Variants in KALRN observed in about 807,000 individuals in gnomAD.
The protein encoded by KALRN is kalirin RhoGEF kinase, also known as kalirin.
A neutral mutation model predicts 353.7 loss-of-function variants in KALRN; 70 were observed. That is an observed-to-expected ratio of 0.20 (90% CI 0.16 to 0.24). The LOEUF (loss-of-function observed/expected upper bound fraction) is 0.24, where lower values mean the gene tolerates loss of function less well. KALRN is among the 10% of genes least tolerant of loss of function. The pLI is 1.00. For missense variants in KALRN, 2,791 were observed against 3,756.7 expected, an observed-to-expected ratio of 0.74 and a Z score of 6.72; for synonymous variants, 1,391 against 1,434.8, an observed-to-expected ratio of 0.97 and a Z score of 0.69.
chr3:124,570,369 G>A (rs2073373781), intron 34 of KALRN, among the ~76,000 whole-genome samples: 1 of 152,170 alleles, frequency 6.6e-6, no homozygotes, highest in Non-Finnish European at 1.5e-5. Context: ...GTATAGGATT[G>A]TACTGGTAAT....
At chr3:124,367,068 C>T (rs1576330319) in intron 10 of KALRN, among the ~76,000 whole-genome samples, 1 of 133,074 alleles carries the variant, frequency 7.5e-6, no homozygotes, top group African/African-American at 2.9e-5. Flanking sequence ...GGGCTGACCC[C>T]CCCACCTCCC....
chr3:124,664,379 G>GCA (rs1559801241), intron 45 of KALRN, among the ~76,000 whole-genome samples: 5 of 150,484 alleles, frequency 3.3e-5, no homozygotes, highest in Non-Finnish European at 7.4e-5. Flanking sequence ...GTGCGCGCGC[G>GCA]CGCATATAAG....
intron 3 of KALRN, among the ~76,000 whole-genome samples, chr3:124,239,906 G>C (rs2080235414): frequency 6.6e-6 from 1 of 152,220 alleles, no homozygotes. Context: ...AGGAAGGGGA[G>C]GGATCAGGTG....
At chr3:124,224,229 A>AT (rs201306974) in intron 1 of KALRN, among the ~76,000 whole-genome samples, 7,459 of 138,502 alleles carry the variant, frequency 0.054, 755 homozygotes, top group East Asian at 0.46. Context: ...GCCTTCCAGG[A>AT]TTTTTTTTTT....
chr3:124,219,060 T>A (rs2077619772), intron 1 of KALRN, among the ~76,000 whole-genome samples: 1 of 152,102 alleles, frequency 6.6e-6, no homozygotes, highest in East Asian at 1.9e-4. Context: ...AGAAGCATCA[T>A]GGGAGGAAGA....
In KALRN at chr3:124,325,969, T is replaced by C. The variant is rs201524366; in HGVS notation, c.1093-11T>C. On this transcript the variant is annotated splice_polypyrimidine_tract_variant and intron_variant, in intron 6 of 59. Transcript: ENST00000682506. ...AGCCTGCCCCACTGAGCACTCTCCT[T>C]TTCTTTCCAGAATGCCTATGTCAAC... The C allele has an allele frequency of 4.3e-5, 70 of 1,609,616 alleles. No individual in the cohort carries two copies. The East Asian group carries it at 1.2e-3, about 28-fold the overall frequency.
chr3:124,207,851 A>G (rs2076545734), intron 1 of KALRN, among the ~76,000 whole-genome samples: 1 of 152,244 alleles, frequency 6.6e-6, no homozygotes, highest in Non-Finnish European at 1.5e-5. Flanking sequence ...GAAAGCAGCA[A>G]GAACAAAACA....
intron 33 of KALRN, chr3:124,519,190 G>A: frequency 2.0e-6 from 2 of 983,174 alleles, no homozygotes; most frequent in Non-Finnish European, 2.4e-6. Context: ...TCCTGTTGAG[G>A]GTGGGTGGGA....
chr3:124,129,723 C>T (rs1283403731), intron 1 of KALRN, among the ~76,000 whole-genome samples: 8 of 152,216 alleles, frequency 5.3e-5, no homozygotes, highest in Non-Finnish European at 1.2e-4. Flanking sequence ...ATCACCATGG[C>T]CCTATGGGCA....
rs186299022 is a variant in KALRN, at chr3:124,468,345, G to T, written c.4031+5712G>T. 1.2e-4 allele frequency among the ~76,000 whole-genome samples: 19 copies of T among 152,194 alleles called. No individual in the cohort carries two copies. The East Asian group carries it at 3.5e-3, about 28-fold the overall frequency. On this transcript the variant is annotated intron_variant, in intron 25 of 59. Transcript: ENST00000682506. ...ATTTTACAACCCCTTGAAACACAAG[G>T]GGGGGGTTGATCCATGGCTGCACGG... is the stretch of plus-strand genomic sequence containing the variant.
At chr3:124,522,243 G>A (rs920141638) in intron 33 of KALRN, among the ~76,000 whole-genome samples, 1 of 151,626 alleles carries the variant, frequency 6.6e-6, no homozygotes, top group Non-Finnish European at 1.5e-5. Context: ...ACATATGTAA[G>A]ACCTTCCTGA....
chr3:124,204,073 A>G (rs1437377667), intron 1 of KALRN, among the ~76,000 whole-genome samples: 1 of 152,170 alleles, frequency 6.6e-6, no homozygotes, highest in Non-Finnish European at 1.5e-5. Context: ...CTGAAGGGCC[A>G]CTGTAATTGC....
chr3:124,511,653 G>A lies in KALRN; in HGVS notation c.4935+15240G>A, dbSNP rs57074757. Among the ~76,000 whole-genome samples the A allele has an allele frequency of 5.9e-5, 9 of 152,108 alleles. No individual in the cohort carries two copies. The East Asian group carries it at 1.7e-3, about 29-fold the overall frequency. Reference sequence around the variant, plus strand: ...CCCTCTGCCCCTGCTCCTCCCCTGGGTCCCAGGCAGTCTGCAAACCTCTCC... The same window carrying A: ...CCCTCTGCCCCTGCTCCTCCCCTGGATCCCAGGCAGTCTGCAAACCTCTCC... On this transcript the variant is annotated intron_variant, in intron 33 of 59. Transcript: ENST00000682506.
chr3:124,444,533 C>T (rs1446329319), intron 19 of KALRN, among the ~76,000 whole-genome samples: 3 of 151,818 alleles, frequency 2.0e-5, no homozygotes, highest in Admixed American at 6.6e-5. Context: ...CACGGTGGCT[C>T]GCGCCTGTAA....
intron 19 of KALRN, among the ~76,000 whole-genome samples, chr3:124,444,047 G>T (rs1231344278): frequency 6.6e-6 from 1 of 152,172 alleles, no homozygotes; most frequent in East Asian, 1.9e-4. Context: ...GCTGCTGGTT[G>T]TTATATGGCT....
At chr3:124,276,955 A>ATGCACACACACATGTGTGCGCG (rs2074800193) in intron 5 of KALRN, among the ~76,000 whole-genome samples, 1 of 152,132 alleles carries the variant, frequency 6.6e-6, no homozygotes, top group South Asian at 2.1e-4. Context: ...ACATGTGCGC[A>ATGCACACACACATGTGTGCGCG]TGCACACACA....
rs1004603169 is a variant in KALRN at position 124,549,335 on chromosome 3, ACACACACACACACATAAT to A, written c.4936-13495_4936-13478del. Among the ~76,000 whole-genome samples the A allele has an allele frequency of 6.7e-4, 99 of 147,282 alleles. 1 individual carries two copies. The highest frequency in any genetic ancestry group is 2.6e-3 in the East Asian group (12 of 4,566). On this transcript the variant is annotated intron_variant, in intron 33 of 59. Transcript: ENST00000682506. ...CCAAGAAGCCAACACACACACACACACACACACACACACATAATCACACACACACATAATCTCACACAC... is the reference window on the plus strand; with the variant it reads ...CCAAGAAGCCAACACACACACACACACACACACACACATAATCTCACACAC...
At chr3:124,657,955 C>T (rs1451189086) in intron 41 of KALRN, 152 bp downstream of exon 41, 5 of 638,560 alleles carry the variant, frequency 7.8e-6, no homozygotes, top group East Asian at 2.7e-5. Flanking sequence ...GGAATTGAGA[C>T]CAGCCTGGGC....
At chr3:124,302,959 A>G (rs368470779) in intron 6 of KALRN, among the ~76,000 whole-genome samples, 2 of 152,200 alleles carry the variant, frequency 1.3e-5, no homozygotes, top group African/African-American at 4.8e-5. Context: ...TAAACACCCT[A>G]TCTTCACATG....
Sources: allele counts gnomAD v4.1 joint callset (sites outside exome capture counted in the v4.1 genomes callset), GRCh38; gene constraint gnomAD v4.1.1; transcripts MANE v1.5; gene names NCBI Gene and HGNC (gene_info 2026-07-23, HGNC 2026-07-21).